The following CTNND2 variants were observed in gnomAD, a reference collection of about 807,000 sequenced individuals.
The protein encoded by CTNND2 is catenin delta 2.
In CTNND2, 22 loss-of-function variants were observed where a neutral mutation model predicts 144.4. That is an observed-to-expected ratio of 0.15 (90% CI 0.11 to 0.22). The LOEUF (loss-of-function observed/expected upper bound fraction) is 0.22, where lower values mean the gene tolerates loss of function less well. Ranked by LOEUF, CTNND2 falls within the 10% of genes least tolerant of loss-of-function variation. CTNND2 has a pLI of 1.00. For synonymous variants in CTNND2, 751 were observed against 695.6 expected, an observed-to-expected ratio of 1.08 and a Z score of -1.25; for missense variants, 1,353 against 1,618.8, an observed-to-expected ratio of 0.84 and a Z score of 2.82.
At chr5:11,815,773 G>A (rs1792596479) in intron 1 of CTNND2, among the ~76,000 whole-genome samples, 1 of 152,206 alleles carries the variant, frequency 6.6e-6, no homozygotes, top group African/African-American at 2.4e-5. Flanking sequence ...CAGGAGCACA[G>A]CTGAGAGCAG....
At chr5:11,425,835 T>C (rs1399290324) in intron 3 of CTNND2, among the ~76,000 whole-genome samples, 2 of 152,164 alleles carry the variant, frequency 1.3e-5, no homozygotes, top group African/African-American at 2.4e-5. Context: ...CTTGACCAAA[T>C]GTTGGTTGGG....
intron 9 of CTNND2, among the ~76,000 whole-genome samples, chr5:11,266,704 AAGAG>A (rs1745471565): frequency 6.6e-6 from 1 of 152,228 alleles, no homozygotes; most frequent in South Asian, 2.1e-4. Context: ...TTCAGACTGC[AAGAG>A]AGAATCTTTC....
intron 11 of CTNND2, among the ~76,000 whole-genome samples, chr5:11,193,159 CTG>C (rs2149817262): frequency 6.6e-6 from 1 of 152,236 alleles, no homozygotes; most frequent in East Asian, 1.9e-4. Context: ...CTGGCTGAGA[CTG>C]TGCAGAATAA....
chr5:11,361,083 C>T (rs182257867), intron 8 of CTNND2, among the ~76,000 whole-genome samples: 74 of 152,238 alleles, frequency 4.9e-4, no homozygotes, highest in African/African-American at 1.5e-3. Flanking sequence ...TGCAGTGGCG[C>T]GATCCTGGCT....
intron 3 of CTNND2, among the ~76,000 whole-genome samples, chr5:11,545,086 C>T (rs1356773306): frequency 1.4e-5 from 2 of 142,232 alleles, no homozygotes; most frequent in Non-Finnish European, 3.0e-5. Context: ...CACGCCACTG[C>T]ACTCCAGCCT....
rs1408736503 is a variant in CTNND2, at chr5:11,701,870, A to G, written c.174+30266T>C. Among the ~76,000 whole-genome samples the G allele has an allele frequency of 2.6e-5, 4 of 152,344 alleles. No homozygotes were observed. In the East Asian group the frequency reaches 7.7e-4, roughly 29 times the overall value. On this transcript the variant is annotated intron_variant, in intron 2 of 21. Transcript: ENST00000304623. ...GATAGGCTGAGTTATGCTGCAGTAA[A>G]AACAAACTAAAAATCTCAGCAGCTC...
intron 3 of CTNND2, among the ~76,000 whole-genome samples, chr5:11,545,454 C>T (rs1472718024): frequency 6.6e-6 from 1 of 151,768 alleles, no homozygotes; most frequent in Admixed American, 6.6e-5. Context: ...GGTGGATCAT[C>T]TGAGTTCAGG....
At chr5:11,196,258 T>C (rs1736848150) in intron 11 of CTNND2, among the ~76,000 whole-genome samples, 1 of 152,258 alleles carries the variant, frequency 6.6e-6, no homozygotes, top group South Asian at 2.1e-4. Flanking sequence ...TTTAGTTTTT[T>C]AAAAATCACT....
At chr5:11,054,086 G>A (rs533857964) in intron 16 of CTNND2, among the ~76,000 whole-genome samples, 1 of 152,152 alleles carries the variant, frequency 6.6e-6, no homozygotes, top group Non-Finnish European at 1.5e-5. Context: ...CTTTTTCACA[G>A]AACAGAGGTG....
chr5:11,228,311 C>T (rs2149879489), intron 10 of CTNND2, among the ~76,000 whole-genome samples: 1 of 138,314 alleles, frequency 7.2e-6, no homozygotes, highest in African/African-American at 2.7e-5. Flanking sequence ...TGCCACTGCA[C>T]TCCAGCCTAG....
intron 9 of CTNND2, among the ~76,000 whole-genome samples, chr5:11,331,565 T>C (rs934918565): frequency 2.6e-5 from 4 of 152,234 alleles, no homozygotes; most frequent in African/African-American, 9.7e-5. Context: ...TTTTTATTTA[T>C]TTCCTAGTTA....
intron 3 of CTNND2, among the ~76,000 whole-genome samples, chr5:11,507,362 T>C (rs575244356): frequency 4.6e-5 from 7 of 152,308 alleles, no homozygotes; most frequent in African/African-American, 1.7e-4. Context: ...GTTTAAGCTA[T>C]ACAATCAAGA....
intron 1 of CTNND2, among the ~76,000 whole-genome samples, chr5:11,736,377 G>C (rs1247592179): frequency 6.6e-6 from 1 of 152,132 alleles, no homozygotes; most frequent in Non-Finnish European, 1.5e-5. Context: ...GAATCTTCAA[G>C]GCTTATTCCA....
chr5:11,585,484 A>ATATCTATCTATC (rs57085841), intron 2 of CTNND2, among the ~76,000 whole-genome samples: 13,847 of 149,988 alleles, frequency 0.092, 725 homozygotes, highest in African/African-American at 0.12. Flanking sequence ...TTATCTATGT[A>ATATCTATCTATC]TATCTATCTA....
chr5:10,992,643 G>A lies in CTNND2; in HGVS notation c.3119C>T (p.Ser1040Phe). ...TTGCCGGTCCCTCTCGATGGTTGAA[G>A]ACGAGGCTACAAAGTGGTATTGTGA... ...GWSQYHFVAS[S>F]STIERDRQRP... Residue 1040 changes from serine to phenylalanine, a missense_variant, in exon 19 of 22, where the codon TCT (serine) becomes TTT (phenylalanine). Ser to Phe is a radical substitution (Grantham distance 155). Coordinates refer to ENST00000304623, the MANE Select transcript of CTNND2 (RefSeq NM_001332.4). The A allele has an allele frequency of 6.2e-7, 1 of 1,614,182 alleles. No individual in the cohort carries two copies. The highest frequency in any genetic ancestry group is 8.5e-7 in the Non-Finnish European group (1 of 1,180,020).
chr5:10,987,700 A>ACCTCC (rs545484776), intron 20 of CTNND2, among the ~76,000 whole-genome samples: 1 of 18,236 alleles, frequency 5.5e-5, no homozygotes, highest in East Asian at 2.5e-3. Flanking sequence ...TCCCCTCCCC[A>ACCTCC]CCTCCCCTCC....
At chr5:11,573,381 T>C (rs1308657747) in intron 2 of CTNND2, among the ~76,000 whole-genome samples, 1 of 152,162 alleles carries the variant, frequency 6.6e-6, no homozygotes, top group Non-Finnish European at 1.5e-5. Flanking sequence ...TACATCACTT[T>C]TAATTCCCAT....
intron 1 of CTNND2, among the ~76,000 whole-genome samples, chr5:11,754,222 T>C (rs978048832): frequency 6.6e-6 from 1 of 151,860 alleles, no homozygotes; most frequent in East Asian, 1.9e-4. Flanking sequence ...ACCTTTGGGG[T>C]TGATTTGCTC....
chr5:10,978,969 C>T (rs1736861226), intron 21 of CTNND2, among the ~76,000 whole-genome samples: 1 of 152,194 alleles, frequency 6.6e-6, no homozygotes, highest in South Asian at 2.1e-4. Flanking sequence ...CCTACTGCAG[C>T]CACTCTGTGA....
Sources: allele counts gnomAD v4.1 joint callset (sites outside exome capture counted in the v4.1 genomes callset), GRCh38; gene constraint gnomAD v4.1.1; transcripts MANE v1.5; gene names NCBI Gene and HGNC (gene_info 2026-07-23, HGNC 2026-07-21).